Variants in ZNF827 observed in about 807,000 individuals in gnomAD.
ZNF827 encodes the protein zinc finger protein 827.
Under a neutral mutation model 102.4 loss-of-function variants are expected in ZNF827, and 13 were observed. That is an observed-to-expected ratio of 0.13 (90% CI 0.08 to 0.20). The LOEUF (loss-of-function observed/expected upper bound fraction) is 0.20. ZNF827 is among the 10% of genes least tolerant of loss of function. ZNF827 has a pLI of 1.00. For synonymous variants in ZNF827, 523 were observed against 536.2 expected (o/e 0.98, Z 0.34); for missense variants, 1,103 against 1,344.4 (o/e 0.82, Z 2.81).
In ZNF827 at chr4:145,892,385, T is replaced by C. The variant is rs1452418014; in HGVS notation, c.1124A>G (p.Gln375Arg). ...ASEEESGKPF[Q>R]CPICGLVIKR... ...AATAACCAAACCACATATTGGACAC[T>C]GGAAAGGCTTTCCACTTTCCTCTTC... Residue 375 changes from glutamine (Q) to arginine (R), a missense_variant, in exon 3 of 15, where the codon CAG (glutamine) becomes CGG (arginine). Transcript: ENST00000508784. 1.2e-6 allele frequency: 2 copies of C among 1,614,008 alleles called. No individual in the cohort carries two copies. The highest frequency in any genetic ancestry group is 1.3e-5 in the African/African-American group (1 of 75,046).
chr4:145,817,060 T>A (rs1035381807), intron 8 of ZNF827, among the ~76,000 whole-genome samples: 11 of 152,214 alleles, frequency 7.2e-5, no homozygotes, highest in African/African-American at 2.7e-4. Flanking sequence ...AATACTATCA[T>A]AAGTATGCAG....
intron 8 of ZNF827, among the ~76,000 whole-genome samples, chr4:145,820,329 C>T (rs1445951549): frequency 6.6e-6 from 1 of 152,148 alleles, no homozygotes; most frequent in African/African-American, 2.4e-5. Flanking sequence ...GAACTAGGCA[C>T]ATTATATCTC....
rs755320765 is a variant in ZNF827, at chr4:145,870,454, T to C, written c.1772A>G (p.Asn591Ser). ...LSAANQKEPM[N>S]LNFKVKEEPK... ...CTCCTCTTTCACTTTAAAATTAAGA[T>C]TCATGGGCTCCTTCTGATTTGCAGC... The change falls in exon 5 of 15, where the codon AAT becomes AGT. Residue 591 changes from asparagine (N) to serine (S), a missense_variant. Asn to Ser is a conservative substitution (Grantham distance 46, BLOSUM62 1). Coordinates refer to ENST00000508784, the MANE Select transcript of ZNF827 (RefSeq NM_001306215.2). The C allele has an allele frequency of 5.9e-5, 95 of 1,613,954 alleles. 1 individual carries two copies. In the South Asian group the frequency reaches 8.0e-4, roughly 14 times the overall value.
At chr4:145,781,212 A>AAAAAAG (rs1737983498) in intron 8 of ZNF827, among the ~76,000 whole-genome samples, 1 of 127,106 alleles carries the variant, frequency 7.9e-6, no homozygotes, top group East Asian at 2.0e-4. Flanking sequence ...AAAAAAAAAA[A>AAAAAAG]AAAAAGAAAA....
chr4:145,810,342 T>C (rs1282868062), intron 8 of ZNF827, among the ~76,000 whole-genome samples: 1 of 152,164 alleles, frequency 6.6e-6, no homozygotes, highest in Non-Finnish European at 1.5e-5. Context: ...TTATTCATTA[T>C]GGCTCCAAAT....
intron 2 of ZNF827, among the ~76,000 whole-genome samples, chr4:145,893,488 T>C (rs7666150): frequency 0.55 from 83,420 of 152,014 alleles, 23,257 homozygotes; most frequent in East Asian, 0.82. Context: ...TATAAAAACA[T>C]GTCCAAGATA....
At chr4:145,854,558 CACA>C (rs1017892746) in intron 5 of ZNF827, among the ~76,000 whole-genome samples, 2 of 152,176 alleles carry the variant, frequency 1.3e-5, no homozygotes, top group African/African-American at 4.8e-5. Context: ...CTTCCACCTG[CACA>C]ACGATTCCTT....
intron 7 of ZNF827, 120 bp from the exon 8 acceptor site, chr4:145,823,645 GT>G: frequency 1.5e-6 from 1 of 671,382 alleles, no homozygotes; most frequent in Non-Finnish European, 2.6e-6. Context: ...TTGCAACGGT[GT>G]TTAGTGAATA....
At chr4:145,778,576 C>G (rs1737469919) in intron 9 of ZNF827, among the ~76,000 whole-genome samples, 1 of 152,144 alleles carries the variant, frequency 6.6e-6, no homozygotes, top group Non-Finnish European at 1.5e-5. Context: ...GCAGCCACTG[C>G]ACTCCAGTCT....
intron 1 of ZNF827, among the ~76,000 whole-genome samples, chr4:145,923,713 C>T (rs1450899477): frequency 6.6e-6 from 1 of 152,162 alleles, no homozygotes; most frequent in Non-Finnish European, 1.5e-5. Context: ...CTCACTAAAT[C>T]TCTTTTGGAA....
intron 5 of ZNF827, among the ~76,000 whole-genome samples, chr4:145,866,673 A>G (rs1265757346): frequency 6.6e-6 from 1 of 152,230 alleles, no homozygotes; most frequent in Non-Finnish European, 1.5e-5. Flanking sequence ...CCAGCTATGT[A>G]CTTTTTGTGT....
chr4:145,814,026 T>C (rs1442652119), intron 8 of ZNF827, among the ~76,000 whole-genome samples: 1 of 152,154 alleles, frequency 6.6e-6, no homozygotes, highest in Non-Finnish European at 1.5e-5. Flanking sequence ...CCTCCCCAGT[T>C]ACAGGTTGAG....
chr4:145,851,736 A>G (rs1274255008), intron 5 of ZNF827, among the ~76,000 whole-genome samples: 1 of 152,078 alleles, frequency 6.6e-6, no homozygotes, highest in Non-Finnish European at 1.5e-5. Flanking sequence ...TTTTCTCTTC[A>G]TGTCTGCAAA....
At chr4:145,865,548 G>A (rs908235212) in intron 5 of ZNF827, among the ~76,000 whole-genome samples, 8 of 152,218 alleles carry the variant, frequency 5.3e-5, no homozygotes, top group East Asian at 3.9e-4. Flanking sequence ...CATCTCTAAC[G>A]CTTCCTTATC....
intron 1 of ZNF827, among the ~76,000 whole-genome samples, chr4:145,929,178 T>C (rs1753636477): frequency 6.6e-6 from 1 of 152,226 alleles, no homozygotes; most frequent in Non-Finnish European, 1.5e-5. Flanking sequence ...CCATCCTTCA[T>C]TTAAGATTCA....
chr4:145,846,500 AC>A (rs1030387758), intron 6 of ZNF827, among the ~76,000 whole-genome samples: 2 of 143,924 alleles, frequency 1.4e-5, no homozygotes, highest in African/African-American at 2.7e-5. Context: ...AAACAAAAAA[AC>A]ACAACAACAA....
intron 8 of ZNF827, among the ~76,000 whole-genome samples, chr4:145,819,525 G>A (rs72723878): frequency 0.022 from 3,377 of 152,158 alleles, 55 homozygotes; most frequent in Non-Finnish European, 0.035. Flanking sequence ...ACCTGACCTC[G>A]GAATCTTTCT....
intron 1 of ZNF827, among the ~76,000 whole-genome samples, chr4:145,913,458 A>G (rs1579555467): frequency 6.6e-6 from 1 of 150,788 alleles, no homozygotes; most frequent in Non-Finnish European, 1.5e-5. Flanking sequence ...GACATTACCA[A>G]AAGAGGCCTT....
chr4:145,928,468 C>A (rs1348379920), intron 1 of ZNF827, among the ~76,000 whole-genome samples: 1 of 152,292 alleles, frequency 6.6e-6, no homozygotes, highest in East Asian at 1.9e-4. Flanking sequence ...TTCAAGCAAT[C>A]CTCAGTTGAC....
Sources: gnomAD v4.1 joint callset for allele counts (sites outside exome capture counted in the v4.1 genomes callset) on GRCh38, gnomAD v4.1.1 for gene constraint, MANE v1.5 for transcripts, NCBI Gene and HGNC (gene_info 2026-07-23, HGNC 2026-07-21) for gene names.